GRM7: variants seen among roughly 807,000 people sequenced by gnomAD.
GRM7 encodes the protein metabotropic glutamate receptor 7.
In GRM7, 35 loss-of-function variants were observed where a neutral mutation model predicts 84.5. The observed-to-expected ratio is 0.41, with a 90% CI of 0.32 to 0.55. The LOEUF (loss-of-function observed/expected upper bound fraction) is 0.55, where lower values mean the gene tolerates loss of function less well. Among genes scored for constraint, GRM7 ranks in the 20% least tolerant of loss-of-function variants. The pLI, the probability that GRM7 is intolerant of heterozygous loss-of-function variation, is 0.19. For missense variants in GRM7, 1,003 were observed against 1,194.6 expected, an observed-to-expected ratio of 0.84 and a Z score of 2.36; for synonymous variants, 487 against 455.1, an observed-to-expected ratio of 1.07 and a Z score of -0.89.
intron 8 of GRM7, among the ~76,000 whole-genome samples, chr3:7,592,271 A>G (rs1695824527): frequency 6.6e-6 from 1 of 152,184 alleles, no homozygotes; most frequent in African/African-American, 2.4e-5. Flanking sequence ...AAAAAAAAGC[A>G]GATAAGAGAA....
intron 2 of GRM7, among the ~76,000 whole-genome samples, chr3:7,280,727 G>A (rs78066440): frequency 0.014 from 2,089 of 152,196 alleles, 59 homozygotes; most frequent in African/African-American, 0.047. Flanking sequence ...CACTATACAC[G>A]CGTGATCCTG....
intron 2 of GRM7, among the ~76,000 whole-genome samples, chr3:7,260,766 A>C (rs1698392698): frequency 6.8e-6 from 1 of 147,732 alleles, no homozygotes; most frequent in Non-Finnish European, 1.5e-5. Flanking sequence ...TTAGCTTTGC[A>C]ATTGGTTTGT....
At chr3:7,094,540 A>G (rs1022598382) in intron 1 of GRM7, among the ~76,000 whole-genome samples, 1 of 152,184 alleles carries the variant, frequency 6.6e-6, no homozygotes, top group Non-Finnish European at 1.5e-5. Context: ...ACCTACTGCC[A>G]GGTTTATACT....
Position 7,350,413 on chromosome 3 carries a change from A to G in GRM7, c.1033+43761A>G, listed in dbSNP as rs115616931. Among the ~76,000 whole-genome samples, 904 of 152,050 alleles carry G rather than the reference A, an allele frequency of 5.9e-3. 9 individuals are homozygous for G. The highest frequency in any genetic ancestry group is 0.021 in the African/African-American group (865 of 41,516). On this transcript the variant is annotated intron_variant, in intron 4 of 9. Coordinates refer to ENST00000357716, the MANE Select transcript of GRM7 (RefSeq NM_000844.4). ...GAGTTCTTGATTTGGTTGTTTAATA[A>G]TACGTGGTACCTCCCACTTCTCTTC...
At chr3:7,229,964 C>T (rs13070472) in intron 2 of GRM7, among the ~76,000 whole-genome samples, 52,664 of 146,940 alleles carry the variant, frequency 0.36, 10,729 homozygotes, top group Admixed American at 0.51. Context: ...CTCAGCCTCC[C>T]GAGTAGCTGG....
chr3:7,410,571 C>CAAA (rs200197427), intron 4 of GRM7, among the ~76,000 whole-genome samples: 3,473 of 138,660 alleles, frequency 0.025, 170 homozygotes, highest in African/African-American at 0.093. Flanking sequence ...GACCCTGTCT[C>CAAA]AAAAAAACAA....
chr3:6,982,403 G>C (rs1384761674), intron 1 of GRM7, among the ~76,000 whole-genome samples: 1 of 152,062 alleles, frequency 6.6e-6, no homozygotes, highest in Non-Finnish European at 1.5e-5. Context: ...GTGACATTTT[G>C]ATCAGTCATA....
intron 8 of GRM7, among the ~76,000 whole-genome samples, chr3:7,640,939 C>G (rs1559457491): frequency 6.6e-6 from 1 of 152,240 alleles, no homozygotes; most frequent in East Asian, 1.9e-4. Context: ...TTTTTCCATT[C>G]ACAAACCACT....
chr3:7,471,753 A>T (rs1391420368), intron 7 of GRM7, among the ~76,000 whole-genome samples: 1 of 152,212 alleles, frequency 6.6e-6, no homozygotes, highest in Non-Finnish European at 1.5e-5. Context: ...AAATTAGAAC[A>T]TAGACATCTT....
chr3:6,954,066 T>A (rs1039660333), intron 1 of GRM7, among the ~76,000 whole-genome samples: 32 of 105,762 alleles, frequency 3.0e-4, no homozygotes, highest in African/African-American at 8.9e-4. Context: ...AAAAAATTGG[T>A]ATATTATGTA....
intron 4 of GRM7, among the ~76,000 whole-genome samples, chr3:7,383,255 C>G (rs947493221): frequency 3.9e-5 from 6 of 152,070 alleles, no homozygotes; most frequent in African/African-American, 4.8e-5. Context: ...TTTCTTACAC[C>G]TAAGAAGTGC....
intron 4 of GRM7, among the ~76,000 whole-genome samples, chr3:7,338,588 G>C (rs1446567688): frequency 6.6e-6 from 1 of 152,070 alleles, no homozygotes; most frequent in African/African-American, 2.4e-5. Flanking sequence ...ACTGTAGCTG[G>C]TTCTCTGGAA....
intron 5 of GRM7, among the ~76,000 whole-genome samples, chr3:7,435,246 C>T (rs1399274951): frequency 6.6e-6 from 1 of 151,752 alleles, no homozygotes; most frequent in Non-Finnish European, 1.5e-5. Context: ...TCACTGTGGC[C>T]TTGACTTCCA....
At chr3:6,912,987 C>G (rs1559324947) in intron 1 of GRM7, among the ~76,000 whole-genome samples, 1 of 152,106 alleles carries the variant, frequency 6.6e-6, no homozygotes, top group East Asian at 1.9e-4. Flanking sequence ...TGGATTATAG[C>G]ATTATTCCCT....
At chr3:7,495,014 G>T (rs1699652071) in intron 7 of GRM7, among the ~76,000 whole-genome samples, 1 of 152,086 alleles carries the variant, frequency 6.6e-6, no homozygotes, top group African/African-American at 2.4e-5. Context: ...ATTTTCACTT[G>T]CATCCTTGAA....
intron 7 of GRM7, among the ~76,000 whole-genome samples, chr3:7,477,146 A>G (rs1462658625): frequency 6.6e-6 from 1 of 152,214 alleles, no homozygotes; most frequent in African/African-American, 2.4e-5. Context: ...TCTTTTCCAG[A>G]GAGCTTTGCA....
chr3:7,172,550 G>GCC (rs61587256), intron 2 of GRM7, among the ~76,000 whole-genome samples: 88 of 65,870 alleles, frequency 1.3e-3, no homozygotes, highest in African/African-American at 4.2e-3. Flanking sequence ...CTTCCCCCCC[G>GCC]CCCCCCCCAC....
intron 7 of GRM7, among the ~76,000 whole-genome samples, chr3:7,564,125 G>T (rs549559461): frequency 6.6e-6 from 1 of 152,286 alleles, no homozygotes; most frequent in Admixed American, 6.5e-5. Context: ...AAGAAGAAAA[G>T]GGTTTATGGG....
intron 1 of GRM7, among the ~76,000 whole-genome samples, chr3:6,919,339 T>C (rs13316534): frequency 0.54 from 81,510 of 149,620 alleles, 24,112 homozygotes; most frequent in African/African-American, 0.8. Flanking sequence ...GCTGCGATTA[T>C]AAGTGCCCAC....
Sources: allele counts gnomAD v4.1 joint callset (sites outside exome capture counted in the v4.1 genomes callset), GRCh38; gene constraint gnomAD v4.1.1; transcripts MANE v1.5; gene names NCBI Gene and HGNC (gene_info 2026-07-23, HGNC 2026-07-21).